The following FBXW11 variants were observed in gnomAD, a reference collection of about 807,000 sequenced individuals.
FBXW11 encodes F-box/WD repeat-containing protein 11.
Under a neutral mutation model 77.6 loss-of-function variants are expected in FBXW11, and 19 were observed. That is an observed-to-expected ratio of 0.24 (90% CI 0.17 to 0.36). FBXW11 has a LOEUF of 0.36. Among genes scored for constraint, FBXW11 ranks in the 10% least tolerant of loss-of-function variants. FBXW11 has a pLI of 1.00. For missense variants in FBXW11, 334 were observed against 704.2 expected (o/e 0.47, Z 5.95); for synonymous variants, 235 against 249.4 (o/e 0.94, Z 0.54).
intron 1 of FBXW11, among the ~76,000 whole-genome samples, chr5:171,959,742 T>G (rs1763795898): frequency 6.6e-6 from 1 of 151,016 alleles, no homozygotes; most frequent in African/African-American, 2.4e-5. Flanking sequence ...CCCAGCTACT[T>G]GGGAGGCTGA....
At chr5:171,978,758 T>C (rs1411259935) in intron 1 of FBXW11, among the ~76,000 whole-genome samples, 1 of 152,216 alleles carries the variant, frequency 6.6e-6, no homozygotes, top group Non-Finnish European at 1.5e-5. Flanking sequence ...TTCCTCACCC[T>C]AGTGATTTCC....
rs903272091 is a variant in FBXW11 at position 171,904,335 on chromosome 5, C to T, written c.437-4235G>A. ...AAAAATAAAAAGAATGCATTAGATA[C>T]TCGCCTTTTCAAACCTCAAAGGCTG... is the stretch of plus-strand genomic sequence containing the variant. On this transcript the variant is annotated intron_variant, in intron 4 of 13. Coordinates refer to ENST00000517395, the MANE Select transcript of FBXW11 (RefSeq NM_001378974.1). The surrounding 1 kb of genome is among the most constrained non-coding windows in gnomAD (Gnocchi z 4.0). 6.6e-6 allele frequency among the ~76,000 whole-genome samples: 1 copy of T among 151,978 alleles called. No homozygotes were observed. The highest frequency in any genetic ancestry group is 1.5e-5 in the Non-Finnish European group (1 of 67,996).
chr5:171,995,322 T>C (rs1765970956), intron 1 of FBXW11, among the ~76,000 whole-genome samples: 1 of 152,180 alleles, frequency 6.6e-6, no homozygotes. Context: ...ATAAAGCACA[T>C]CTTGATATTT....
At chr5:171,895,824 T>C (rs1234541771) in intron 6 of FBXW11, among the ~76,000 whole-genome samples, 6 of 152,016 alleles carry the variant, frequency 3.9e-5, no homozygotes, top group Non-Finnish European at 8.8e-5. Flanking sequence ...ACAACAATAA[T>C]AACAGCAACA....
chr5:171,935,545 T>C (rs971496767), intron 2 of FBXW11, among the ~76,000 whole-genome samples: 6 of 151,924 alleles, frequency 3.9e-5, no homozygotes, highest in Admixed American at 3.3e-4. Flanking sequence ...CCTAAGACAA[T>C]TGTTAGACTT....
chr5:172,003,512 A>C (rs769559877), intron 1 of FBXW11, among the ~76,000 whole-genome samples: 15 of 152,202 alleles, frequency 9.9e-5, no homozygotes, highest in Non-Finnish European at 1.9e-4. Context: ...AGGCCCACTA[A>C]CAGGTATAGC....
chr5:171,957,540 A>C, intron 2 of FBXW11, 57 bp downstream of exon 2: 1 of 1,438,466 alleles, frequency 7.0e-7, no homozygotes, highest in Non-Finnish European at 9.8e-7. Flanking sequence ...TGCAAGTTTC[A>C]ACAAATGTTC....
chr5:171,967,855 CATATAT>C lies in FBXW11; in HGVS notation c.46-10163_46-10158del, dbSNP rs375683631. Among the ~76,000 whole-genome samples, 150 of 118,522 alleles carry C rather than the reference CATATAT, an allele frequency of 1.3e-3. 2 individuals carry two copies. The highest frequency in any genetic ancestry group is 4.2e-3 in the African/African-American group (104 of 24,578). The allele number at this position is 118,522 out of a possible 152,430, so 77.8% of individuals were successfully genotyped here. A position where few individuals can be genotyped will look rare whatever the true frequency, so the allele number is the denominator to read the frequency against. ...ACTCTGTCTCAAAAAAAAAAAAATG[CATATAT>C]ATATATATATATATATATATATACA... On this transcript the variant is annotated intron_variant, in intron 1 of 13. Transcript: ENST00000517395.
intron 1 of FBXW11, among the ~76,000 whole-genome samples, chr5:171,980,237 C>G (rs569521520): frequency 1.3e-3 from 203 of 152,276 alleles, no homozygotes; most frequent in Non-Finnish European, 2.2e-3. Context: ...TTATTCCTAA[C>G]TAGATGGGGA....
At chr5:171,866,145 G>T (rs568930473) in intron 13 of FBXW11, among the ~76,000 whole-genome samples, 45 of 152,068 alleles carry the variant, frequency 3.0e-4, no homozygotes, top group African/African-American at 8.9e-4. Context: ...CATGCCTGTA[G>T]CCCCAGCTAC....
At chr5:171,969,105 T>C (rs1764383747) in intron 1 of FBXW11, among the ~76,000 whole-genome samples, 4 of 152,034 alleles carry the variant, frequency 2.6e-5, no homozygotes, top group South Asian at 4.1e-4. Flanking sequence ...CTGTCTCTAC[T>C]AAAAAAACAA....
intron 4 of FBXW11, among the ~76,000 whole-genome samples, chr5:171,900,399 C>G (rs552051574): frequency 3.9e-5 from 6 of 152,146 alleles, no homozygotes; most frequent in Non-Finnish European, 8.8e-5. Flanking sequence ...TTTTATATAA[C>G]TCTCACAGCA....
intron 2 of FBXW11, among the ~76,000 whole-genome samples, chr5:171,917,625 C>T (rs1215615260): frequency 6.6e-6 from 1 of 152,128 alleles, no homozygotes; most frequent in East Asian, 1.9e-4. Flanking sequence ...AGGGAAAATG[C>T]TGCTCTCAAG....
intron 2 of FBXW11, among the ~76,000 whole-genome samples, chr5:171,932,162 AC>A (rs1762244284): frequency 6.6e-6 from 1 of 152,104 alleles, no homozygotes; most frequent in African/African-American, 2.4e-5. Flanking sequence ...GGTGTGAGCC[AC>A]CATGCCTGGC....
intron 1 of FBXW11, among the ~76,000 whole-genome samples, chr5:171,957,978 G>A (rs1273597176): frequency 2.0e-5 from 3 of 152,158 alleles, no homozygotes; most frequent in Non-Finnish European, 2.9e-5. Context: ...CCACCAAAGG[G>A]AACTGTGAAA....
intron 2 of FBXW11, among the ~76,000 whole-genome samples, chr5:171,919,910 C>T (rs1179018949): frequency 6.6e-6 from 1 of 152,182 alleles, no homozygotes; most frequent in Non-Finnish European, 1.5e-5. Flanking sequence ...AATCCCAGCA[C>T]TTTGGGAGGC....
intron 4 of FBXW11, among the ~76,000 whole-genome samples, chr5:171,909,941 G>GT (rs747571683): frequency 1.3e-5 from 2 of 151,712 alleles, no homozygotes; most frequent in Non-Finnish European, 2.9e-5. Context: ...AAGAGTACCA[G>GT]TTTTTTTAAA....
chr5:171,871,345 GC>G (rs11349045), intron 10 of FBXW11, among the ~76,000 whole-genome samples: 1,908 of 152,240 alleles, frequency 0.013, 47 homozygotes, highest in African/African-American at 0.042. Flanking sequence ...TTAAGCTTCC[GC>G]CCCAGGCACT....
chr5:171,893,477 A>C (rs1007040270), intron 6 of FBXW11, among the ~76,000 whole-genome samples: 6 of 144,662 alleles, frequency 4.1e-5, no homozygotes, highest in African/African-American at 1.2e-4. Flanking sequence ...TACCTCTATC[A>C]AAGTAGACAA....
Sources: gnomAD v4.1 joint callset for allele counts (sites outside exome capture counted in the v4.1 genomes callset) on GRCh38, gnomAD v4.1.1 for gene constraint, Gnocchi (gnomAD v3.1) non-coding constraint, MANE v1.5 for transcripts, NCBI Gene and HGNC (gene_info 2026-07-23, HGNC 2026-07-21) for gene names.